The following CORIN variants were observed in gnomAD, a reference collection of about 807,000 sequenced individuals.
The protein encoded by CORIN is corin, serine peptidase.
Under a neutral mutation model 125.3 loss-of-function variants are expected in CORIN, and 117 were observed. The observed-to-expected ratio is 0.93, with a 90% CI of 0.80 to 1.09. The LOEUF is 1.09. CORIN is among the 50% of genes least tolerant of loss of function. The pLI, the probability that CORIN is intolerant of heterozygous loss-of-function variation, is 0.00. For missense variants in CORIN, 1,253 were observed against 1,306.7 expected (o/e 0.96, Z 0.63); for synonymous variants, 450 against 466.4 (o/e 0.96, Z 0.45).
intron 4 of CORIN, among the ~76,000 whole-genome samples, chr4:47,748,897 C>T (rs937316136): frequency 1.1e-4 from 17 of 152,214 alleles, no homozygotes; most frequent in Admixed American, 9.2e-4. Context: ...CATCCAGACT[C>T]CACTAAGGTA....
chr4:47,834,743 A>G (rs73238639), intron 1 of CORIN, among the ~76,000 whole-genome samples: 16,445 of 152,190 alleles, frequency 0.11, 1,466 homozygotes, highest in East Asian at 0.31. Context: ...CATTGTTTAC[A>G]TTAAATATAT....
chr4:47,738,804 T>C (rs73238629), intron 5 of CORIN, among the ~76,000 whole-genome samples: 26,447 of 151,920 alleles, frequency 0.17, 2,988 homozygotes, highest in Non-Finnish European at 0.25. Flanking sequence ...AGGAACACAT[T>C]TCTAGAGAAC....
At chr4:47,623,069 C>CCTCTCTCTCTCTCTCTCTCTCT (rs372736248) in intron 19 of CORIN, among the ~76,000 whole-genome samples, 6 of 93,580 alleles carry the variant, frequency 6.4e-5, no homozygotes, top group South Asian at 4.1e-4. Context: ...CATAACATAA[C>CCTCTCTCTCTCTCTCTCTCTCT]CTCTCTCTCT....
At chr4:47,656,411 C>T (rs1297876092) in intron 12 of CORIN, among the ~76,000 whole-genome samples, 1 of 152,148 alleles carries the variant, frequency 6.6e-6, no homozygotes, top group Non-Finnish European at 1.5e-5. Context: ...CCACCTCAGC[C>T]TCCCAAAGTC....
intron 1 of CORIN, among the ~76,000 whole-genome samples, chr4:47,824,388 G>A (rs1453388505): frequency 3.3e-5 from 5 of 151,666 alleles, no homozygotes; most frequent in African/African-American, 4.8e-5. Context: ...AAAACAACTC[G>A]GACCACTGAC....
chr4:47,598,408 A>G (rs921874261), intron 21 of CORIN, among the ~76,000 whole-genome samples: 1 of 152,176 alleles, frequency 6.6e-6, no homozygotes, highest in Non-Finnish European at 1.5e-5. Flanking sequence ...TGAACTCAGT[A>G]TACACCACTG....
chr4:47,661,923 T>C, intron 11 of CORIN, 67 bp from the exon 12 acceptor site: 1 of 1,457,642 alleles, frequency 6.9e-7, no homozygotes, highest in South Asian at 1.4e-5. Context: ...ATGTCATAAA[T>C]TTATGTCAAG....
In CORIN at chr4:47,612,494, A is replaced by G. The variant is rs181297701; in HGVS notation, c.2541-8826T>C. On this transcript the variant is annotated intron_variant, in intron 19 of 21. Transcript: ENST00000273857. ...TGTCTCATTAGTATACAATCTCAAT[A>G]GTTTTCCAAGTGTTTCTACACACTT... 1.3e-3 allele frequency among the ~76,000 whole-genome samples: 198 copies of G among 152,352 alleles called. 1 individual carries two copies. The highest frequency in any genetic ancestry group is 4.7e-3 in the African/African-American group (195 of 41,580).
chr4:47,771,713 C>A (rs1037857111), intron 3 of CORIN, among the ~76,000 whole-genome samples: 1 of 152,082 alleles, frequency 6.6e-6, no homozygotes, highest in Non-Finnish European at 1.5e-5. Context: ...CTATTCAGGT[C>A]TTAACTAACT....
At chr4:47,626,329 A>T (rs769451602) in intron 17 of CORIN, 76 bp downstream of exon 17, 5 of 896,562 alleles carry the variant, frequency 5.6e-6, no homozygotes, top group Non-Finnish European at 9.3e-6. Context: ...TTAAGTTAAA[A>T]AATGGAAGAA....
chr4:47,721,033 C>T (rs1727320964), intron 5 of CORIN, among the ~76,000 whole-genome samples: 1 of 152,130 alleles, frequency 6.6e-6, no homozygotes. Flanking sequence ...GATGGGGTGG[C>T]TTAAACAAGA....
chr4:47,658,905 G>A (rs1434332109), intron 12 of CORIN, among the ~76,000 whole-genome samples: 2 of 152,146 alleles, frequency 1.3e-5, no homozygotes, highest in African/African-American at 4.8e-5. Context: ...CCAACTTCAA[G>A]TTATTTCTTT....
chr4:47,636,636 A>T (rs1026647925), intron 16 of CORIN, among the ~76,000 whole-genome samples: 2 of 152,148 alleles, frequency 1.3e-5, no homozygotes, highest in Admixed American at 1.3e-4. Flanking sequence ...CAGTTTTAAA[A>T]ATGGGAGTTT....
chr4:47,608,289 C>T (rs1721735085), intron 19 of CORIN, among the ~76,000 whole-genome samples: 1 of 152,136 alleles, frequency 6.6e-6, no homozygotes, highest in Admixed American at 6.5e-5. Flanking sequence ...CATTGCACTC[C>T]AGCCTGGGTG....
At chr4:47,642,910 G>T in intron 15 of CORIN, 1 of 1,504,360 alleles carries the variant, frequency 6.6e-7, no homozygotes, top group South Asian at 1.3e-5. Context: ...ACAACATTTT[G>T]AACCCAAACG....
chr4:47,702,999 A>G (rs1726377744), intron 5 of CORIN, among the ~76,000 whole-genome samples: 1 of 151,914 alleles, frequency 6.6e-6, no homozygotes, highest in Non-Finnish European at 1.5e-5. Flanking sequence ...TACACATGCC[A>G]TGGTGGTGTG....
chr4:47,772,117 G>A (rs371976441), intron 3 of CORIN, among the ~76,000 whole-genome samples: 326 of 93,330 alleles, frequency 3.5e-3, no homozygotes, highest in African/African-American at 8.4e-3. Flanking sequence ...AGATAGATAG[G>A]TAGATAGATA....
intron 10 of CORIN, among the ~76,000 whole-genome samples, chr4:47,667,732 G>C (rs1007935483): frequency 1.3e-5 from 2 of 152,170 alleles, no homozygotes; most frequent in African/African-American, 2.4e-5. Context: ...ACACTGAAAG[G>C]CTGGCATAAT....
intron 13 of CORIN, among the ~76,000 whole-genome samples, chr4:47,648,956 T>C (rs1723613346): frequency 6.6e-6 from 1 of 152,148 alleles, no homozygotes. Flanking sequence ...ACAAAGCCCC[T>C]TCCCTCAAAG....
Sources: gnomAD v4.1 joint callset for allele counts (sites outside exome capture counted in the v4.1 genomes callset) on GRCh38, gnomAD v4.1.1 for gene constraint, MANE v1.5 for transcripts, NCBI Gene and HGNC (gene_info 2026-07-23, HGNC 2026-07-21) for gene names.